Variants in GREB1L observed in about 807,000 individuals in gnomAD.
GREB1L encodes the protein GREB1-like protein.
Under a neutral mutation model 200.8 loss-of-function variants are expected in GREB1L, and 17 were observed. The ratio of observed to expected loss-of-function variants is 0.08; its 90% confidence interval spans 0.06 to 0.13. The LOEUF (loss-of-function observed/expected upper bound fraction) is 0.13. Ranked by LOEUF, GREB1L falls within the 10% of genes least tolerant of loss-of-function variation. The probability of loss-of-function intolerance (pLI) is 1.00; values close to 1 mark genes in which losing one functional copy is unlikely to be tolerated. For missense variants in GREB1L, 1,657 were observed against 2,367.7 expected (o/e 0.70, Z 6.23); for synonymous variants, 789 against 893.0 (o/e 0.88, Z 2.08).
chr18:21,448,159 CA>C (rs34682720), intron 11 of GREB1L, among the ~76,000 whole-genome samples: 53 of 131,716 alleles, frequency 4.0e-4, no homozygotes, highest in East Asian at 9.2e-4. Context: ...GAAACTGTCT[CA>C]AAAAAAAAAA....
chr18:21,441,459 C>T lies in GREB1L; in HGVS notation c.1129C>T (p.Pro377Ser). ...TPLTGILQPRPIPAGETVIVP... is the reference protein window; with the variant it reads ...TPLTGILQPRSIPAGETVIVP... ...ACTAACTGGAATTTTACAACCCAGGCCCATTCCTGCAGGGGAAACTGTAAT... is the reference window on the plus strand; with the variant it reads ...ACTAACTGGAATTTTACAACCCAGGTCCATTCCTGCAGGGGAAACTGTAAT... Residue 377 changes from proline to serine, a missense_variant, in exon 10 of 33, where the codon CCC (proline) becomes TCC (serine). Physicochemically the swap from Pro to Ser is moderately conservative, Grantham distance 74. Coordinates refer to ENST00000424526, the MANE Select transcript of GREB1L (RefSeq NM_001142966.3). The T allele has an allele frequency of 1.3e-6, 2 of 1,551,426 alleles. No homozygotes were observed. Among genetic ancestry groups the T allele is most frequent in the Non-Finnish European group, 1.7e-6 (2 of 1,146,740 alleles).
intron 1 of GREB1L, among the ~76,000 whole-genome samples, chr18:21,334,069 T>C (rs996332352): frequency 2.0e-5 from 3 of 152,172 alleles, no homozygotes; most frequent in Admixed American, 1.3e-4. Flanking sequence ...AACATTGCTA[T>C]TGTGAAATGG....
chr18:21,420,120 C>A (rs999206761), intron 7 of GREB1L, among the ~76,000 whole-genome samples: 4 of 152,124 alleles, frequency 2.6e-5, no homozygotes. Flanking sequence ...CGCCTGTAAT[C>A]CCAGCACGTT....
chr18:21,258,592 C>G (rs1009300960), intron 1 of GREB1L, among the ~76,000 whole-genome samples: 5 of 152,082 alleles, frequency 3.3e-5, no homozygotes, highest in African/African-American at 1.2e-4. Context: ...ACTGGAAATA[C>G]CAACACAAGA....
chr18:21,452,317 A>G (rs2145441634), intron 14 of GREB1L, 100 bp downstream of exon 14: 1 of 1,161,834 alleles, frequency 8.6e-7, no homozygotes, highest in East Asian at 2.6e-5. Context: ...CAAGTCACAG[A>G]CCACAACAGC....
At chr18:21,383,879 AT>A (rs201453784) in intron 3 of GREB1L, among the ~76,000 whole-genome samples, 1 of 151,418 alleles carries the variant, frequency 6.6e-6, no homozygotes, top group African/African-American at 2.4e-5. Flanking sequence ...CTCCTGGCTA[AT>A]TTTTTTTGTA....
chr18:21,358,615 T>G (rs1216142006), intron 1 of GREB1L, among the ~76,000 whole-genome samples: 1 of 152,148 alleles, frequency 6.6e-6, no homozygotes, highest in Non-Finnish European at 1.5e-5. Context: ...GCGCCCAGCC[T>G]GTTCTCACTT....
chr18:21,441,314 G>T, intron 9 of GREB1L, 86 bp from the exon 10 acceptor site: 1 of 1,132,198 alleles, frequency 8.8e-7, no homozygotes, highest in Non-Finnish European at 1.2e-6. Context: ...ATGCTTCTCT[G>T]TTAAAAGTAT....
At chr18:21,253,980 G>A (rs1314415880) in intron 1 of GREB1L, among the ~76,000 whole-genome samples, 2 of 151,166 alleles carry the variant, frequency 1.3e-5, no homozygotes, top group African/African-American at 4.9e-5. Context: ...GGGACTACAG[G>A]TGTGTACCAC....
rs1253894499 is a variant in GREB1L, at chr18:21,515,484, G to A, written c.4969G>A (p.Ala1657Thr). 3.2e-6 allele frequency: 5 copies of A among 1,551,554 alleles called. No homozygotes were observed. In the Admixed American group the frequency reaches 5.9e-5, roughly 18 times the overall value. ...GAAGACTGTCTTGCAGCACATTGAAGCCACACCAAAAATTGTCCACTATGC... is the reference window on the plus strand; with the variant it reads ...GAAGACTGTCTTGCAGCACATTGAAACCACACCAAAAATTGTCCACTATGC... ...SLKTVLQHIEATPKIVHYAIL... is the reference protein window; with the variant it reads ...SLKTVLQHIETTPKIVHYAIL... The change falls in exon 29 of 33, where the codon GCC becomes ACC. Residue 1657 changes from alanine to threonine, a missense_variant. Ala to Thr is a moderately conservative substitution (Grantham distance 58, BLOSUM62 0). This residue lies in a region of GREB1L where 151 missense variants were observed against 309.6 expected (regional missense o/e 0.49). Coordinates refer to ENST00000424526, the MANE Select transcript of GREB1L (RefSeq NM_001142966.3).
chr18:21,251,116 C>G (rs1457591385), intron 1 of GREB1L, among the ~76,000 whole-genome samples: 1 of 152,096 alleles, frequency 6.6e-6, no homozygotes, highest in African/African-American at 2.4e-5. Flanking sequence ...GCCAGGAGTT[C>G]GAGACTAGCC....
At chr18:21,492,263 G>C (rs1176720771) in intron 19 of GREB1L, among the ~76,000 whole-genome samples, 1 of 151,804 alleles carries the variant, frequency 6.6e-6, no homozygotes, top group Non-Finnish European at 1.5e-5. Flanking sequence ...GGAGAATGGC[G>C]TGAACCCGGG....
chr18:21,490,651 G>C (rs2036297573), intron 19 of GREB1L, among the ~76,000 whole-genome samples: 1 of 152,144 alleles, frequency 6.6e-6, no homozygotes, highest in Non-Finnish European at 1.5e-5. Flanking sequence ...TGTTCAAGAT[G>C]CATGTAGCCC....
intron 9 of GREB1L, among the ~76,000 whole-genome samples, 187 bp downstream of exon 9, chr18:21,440,575 CCT>C (rs1256470702): frequency 2.0e-5 from 3 of 152,194 alleles, no homozygotes; most frequent in Non-Finnish European, 4.4e-5. Flanking sequence ...CTGAATTCAA[CCT>C]TTGGCTTAAT....
At chr18:21,259,759 A>C (rs2037860292) in intron 1 of GREB1L, among the ~76,000 whole-genome samples, 1 of 152,034 alleles carries the variant, frequency 6.6e-6, no homozygotes, top group South Asian at 2.1e-4. Flanking sequence ...ATAAAATTTG[A>C]AATGGTATTG....
chr18:21,347,145 G>A (rs560984692), intron 1 of GREB1L, among the ~76,000 whole-genome samples: 1 of 151,998 alleles, frequency 6.6e-6, no homozygotes, highest in East Asian at 1.9e-4. Flanking sequence ...GGGCGTGGTG[G>A]TGGGTGCCTG....
intron 1 of GREB1L, among the ~76,000 whole-genome samples, chr18:21,345,871 C>CAAAAAAAAA (rs34189374): frequency 1.3e-5 from 1 of 76,180 alleles, no homozygotes. Flanking sequence ...GACTCCATCT[C>CAAAAAAAAA]AAAAAAAAAA....
chr18:21,411,370 C>T (rs370790788), intron 7 of GREB1L, among the ~76,000 whole-genome samples: 327 of 152,112 alleles, frequency 2.1e-3, no homozygotes, highest in African/African-American at 7.8e-3. Flanking sequence ...CCATGGCCAG[C>T]TAATTTTTTG....
intron 2 of GREB1L, among the ~76,000 whole-genome samples, chr18:21,367,711 G>T (rs1489829339): frequency 6.6e-6 from 1 of 152,200 alleles, no homozygotes; most frequent in Non-Finnish European, 1.5e-5. Flanking sequence ...AGAAAGGGCT[G>T]TCAGTTGACA....
Sources: allele counts gnomAD v4.1 joint callset (sites outside exome capture counted in the v4.1 genomes callset), GRCh38; gene constraint gnomAD v4.1.1; regional missense constraint gnomAD v4.1.1; transcripts MANE v1.5; gene names NCBI Gene and HGNC (gene_info 2026-07-23, HGNC 2026-07-21).